The following CFAP70 variants were observed in gnomAD, a reference collection of about 807,000 sequenced individuals.
CFAP70 encodes the protein cilia- and flagella-associated protein 70.
Under a neutral mutation model 137.6 loss-of-function variants are expected in CFAP70, and 81 were observed. That is an observed-to-expected ratio of 0.59 (90% confidence interval 0.49 to 0.71). CFAP70 has a LOEUF of 0.71. Among genes scored for constraint, CFAP70 ranks in the 30% least tolerant of loss-of-function variants. The probability of loss-of-function intolerance (pLI) is 0.00; values close to 1 mark genes in which losing one functional copy is unlikely to be tolerated. For missense variants in CFAP70, 976 were observed against 1,226.7 expected (o/e 0.80, Z 3.05); for synonymous variants, 382 against 423.6 (o/e 0.90, Z 1.20).
chr10:73,285,613 T>G (rs1324392374), intron 19 of CFAP70, among the ~76,000 whole-genome samples: 1 of 151,814 alleles, frequency 6.6e-6, no homozygotes. Flanking sequence ...GGGTTTCAGT[T>G]CATCATTTGA....
chr10:73,297,583 T>C (rs1293271759), intron 14 of CFAP70, among the ~76,000 whole-genome samples: 6 of 152,208 alleles, frequency 3.9e-5, no homozygotes. Flanking sequence ...TAAATTATTT[T>C]ACACTTTGGT....
chr10:73,309,222 A>G (rs1000650447), intron 12 of CFAP70, among the ~76,000 whole-genome samples: 2 of 152,250 alleles, frequency 1.3e-5, no homozygotes, highest in African/African-American at 4.8e-5. Flanking sequence ...GTATTAGAAT[A>G]CTATGAACAA....
Position 73,299,130 on chromosome 10 carries a change from G to A in CFAP70, c.1318-29C>T, listed in dbSNP as rs77495414. 411 of 1,539,892 alleles carry A rather than the reference G, an allele frequency of 2.7e-4. No homozygotes were observed. In the African/African-American group the frequency reaches 5.1e-3, roughly 19 times the overall value. ...AGAAAATACAAAACATCTGGTAGAC[G>A]CCTCAGAGAGGTCAAGAGCATGGAT... On this transcript the variant is annotated intron_variant, in intron 13 of 26. Transcript: ENST00000310715.
chr10:73,316,109 A>T (rs2050313729), intron 9 of CFAP70, among the ~76,000 whole-genome samples: 1 of 152,072 alleles, frequency 6.6e-6, no homozygotes, highest in Admixed American at 6.6e-5. Flanking sequence ...CTAGTCTTAA[A>T]AACTATTTTG....
At chr10:73,277,398 A>G (rs749851264) in intron 20 of CFAP70, 37 bp from the exon 22 acceptor site, 15 of 1,603,672 alleles carry the variant, frequency 9.4e-6, no homozygotes, top group African/African-American at 1.3e-5. Flanking sequence ...AAGATTGGAT[A>G]TAACAGAAAA....
intron 3 of CFAP70, among the ~76,000 whole-genome samples, chr10:73,349,732 C>T (rs1227116339): frequency 6.6e-6 from 1 of 152,176 alleles, no homozygotes; most frequent in African/African-American, 2.4e-5. Flanking sequence ...TTCAAATACA[C>T]AAAGTAGAAT....
chr10:73,334,953 A>T (rs376286557), intron 7 of CFAP70, among the ~76,000 whole-genome samples: 363 of 149,766 alleles, frequency 2.4e-3, no homozygotes, highest in African/African-American at 8.4e-3. Context: ...ACGCAATCAC[A>T]GCTCACTGCA....
chr10:73,327,928 G>A (rs1191231487), intron 8 of CFAP70, among the ~76,000 whole-genome samples: 1 of 152,132 alleles, frequency 6.6e-6, no homozygotes, highest in Non-Finnish European at 1.5e-5. Context: ...GTAATTTACA[G>A]ATTCAATGCC....
intron 14 of CFAP70, among the ~76,000 whole-genome samples, chr10:73,298,347 A>G (rs2048694250): frequency 6.6e-6 from 1 of 152,236 alleles, no homozygotes; most frequent in Non-Finnish European, 1.5e-5. Context: ...ATGATTATTA[A>G]GTTAACTATT....
chr10:73,295,862 A>C (rs538031606), intron 15 of CFAP70: 1 of 152,090 alleles, frequency 6.6e-6, no homozygotes. Flanking sequence ...TAGCTCCCCA[A>C]ATCTCATCTC....
intron 20 of CFAP70, among the ~76,000 whole-genome samples, chr10:73,277,572 G>A (rs1315659468): frequency 2.6e-5 from 4 of 152,094 alleles, no homozygotes; most frequent in African/African-American, 7.2e-5. Context: ...AATTATCTGG[G>A]CATGGTGGAA....
chr10:73,291,667 T>C (rs753994872), exon 18 of CFAP70: 1 of 1,613,790 alleles, frequency 6.2e-7, no homozygotes. Context: ...ACAACATTAG[T>C]TGGTTCCAAG....
chr10:73,270,074 A>T (rs1338029096), intron 24 of CFAP70, among the ~76,000 whole-genome samples: 2 of 152,060 alleles, frequency 1.3e-5, no homozygotes, highest in African/African-American at 4.8e-5. Flanking sequence ...TCATTCAGTG[A>T]TTTCTCCACA....
chr10:73,341,418 CCTT>C (rs770654400), exon 6 of CFAP70: 6 of 1,612,816 alleles, frequency 3.7e-6, no homozygotes, highest in Admixed American at 1.7e-5. Flanking sequence ...GTTGAGTTCT[CCTT>C]CTTCTTCTTC....
intron 8 of CFAP70, 151 bp downstream of exon 9, chr10:73,331,026 A>G: frequency 3.7e-6 from 2 of 547,318 alleles, no homozygotes; most frequent in Non-Finnish European, 6.4e-6. Flanking sequence ...TGCTAAAACA[A>G]GTGACATTCA....
At chr10:73,289,407 T>C (rs1213583508) in intron 19 of CFAP70, among the ~76,000 whole-genome samples, 1 of 152,012 alleles carries the variant, frequency 6.6e-6, no homozygotes. Flanking sequence ...TGCCTCAGCC[T>C]CCTGAGTAGC....
At chr10:73,258,659 C>T (rs892209214) in intron 25 of CFAP70, among the ~76,000 whole-genome samples, 3 of 152,176 alleles carry the variant, frequency 2.0e-5, no homozygotes, top group African/African-American at 7.2e-5. Context: ...CTTACAAAAG[C>T]GAATAGGAGA....
At position 73,325,165 on chromosome 10, in the gene CFAP70, G is replaced by A. The variant is rs548340538; in HGVS notation, c.778-2068C>T. Among the ~76,000 whole-genome samples the A allele has an allele frequency of 1.2e-3, 178 of 152,324 alleles. 2 individuals carry two copies. The highest frequency in any genetic ancestry group is 4.2e-3 in the African/African-American group (175 of 41,582). The stretch of plus-strand genomic sequence containing the variant: ...GGCAGAAACTCTACAAGCCAGAAGA[G>A]AGTGGGGGCCAATATTCAACATTCT... On this transcript the variant is annotated intron_variant, in intron 8 of 26. Coordinates refer to ENST00000310715, the Ensembl canonical transcript of CFAP70.
chr10:73,292,805 G>T (rs1564796401), intron 16 of CFAP70, among the ~76,000 whole-genome samples: 1 of 151,792 alleles, frequency 6.6e-6, no homozygotes, highest in Non-Finnish European at 1.5e-5. Context: ...CCTCCATAGA[G>T]CAAATGTTTT....
Sources: gnomAD v4.1 joint callset for allele counts (sites outside exome capture counted in the v4.1 genomes callset) on GRCh38, gnomAD v4.1.1 for gene constraint, MANE v1.5 for transcripts, NCBI Gene and HGNC (gene_info 2026-07-23, HGNC 2026-07-21) for gene names.